PYY: variants seen among roughly 807,000 people sequenced by gnomAD.
PYY encodes the protein peptide tyrosine tyrosine.
A neutral mutation model predicts 10.3 loss-of-function variants in PYY; 12 were observed. The ratio of observed to expected loss-of-function variants is 1.17; its 90% CI spans 0.75 to 1.89. The LOEUF is 1.89. Among genes scored for constraint, PYY ranks in the 40% most tolerant of loss-of-function variants. The probability of loss-of-function intolerance (pLI) is 0.00; values close to 1 mark genes in which losing one functional copy is unlikely to be tolerated. For synonymous variants in PYY, 66 were observed against 62.0 expected (o/e 1.06, Z -0.30); for missense variants, 141 against 134.0 (o/e 1.05, Z -0.26).
At chr17:43,970,757 T>C (rs901451606) in intron 1 of PYY, among the ~76,000 whole-genome samples, 9 of 152,292 alleles carry the variant, frequency 5.9e-5, no homozygotes, top group Admixed American at 2.0e-4. Flanking sequence ...GCCCTAATGT[T>C]TGCACCCACT....
intron 1 of PYY, among the ~76,000 whole-genome samples, chr17:43,994,170 A>T (rs191399298): frequency 9.5e-4 from 145 of 152,292 alleles, no homozygotes; most frequent in African/African-American, 2.3e-3. Context: ...AAAAATTTTA[A>T]AAAAATTATA....
intron 1 of PYY, among the ~76,000 whole-genome samples, chr17:43,976,228 T>TACGTACATATAC (rs1567932156): frequency 6.9e-6 from 1 of 143,932 alleles, no homozygotes; most frequent in African/African-American, 2.7e-5. Flanking sequence ...TATACATATA[T>TACGTACATATAC]ACATATGCGT....
chr17:43,976,319 A>ATATG (rs1555618288), intron 1 of PYY, among the ~76,000 whole-genome samples: 5 of 56,282 alleles, frequency 8.9e-5, no homozygotes, highest in East Asian at 5.8e-4. Flanking sequence ...GTATATACAC[A>ATATG]TATACATGTA....
chr17:43,976,758 C>T lies in PYY; in HGVS notation c.-462-10226G>A, dbSNP rs557376384. On this transcript the variant is annotated intron_variant, in intron 1 of 6. Coordinates refer to the PYY transcript ENST00000360085. ...CTGCACTCCAGCCTCAGTGACACAG[C>T]GAGACTCTGTCTCAAACCAAAAACA... Among the ~76,000 whole-genome samples, 8 of 152,216 alleles carry T rather than the reference C, an allele frequency of 5.3e-5. No homozygotes were observed. The South Asian group carries it at 1.7e-3, about 32-fold the overall frequency.
chr17:43,960,849 C>A (rs987365493), intron 2 of PYY, among the ~76,000 whole-genome samples: 166 of 127,176 alleles, frequency 1.3e-3, no homozygotes, highest in South Asian at 1.5e-3. Flanking sequence ...GACTCCGTCG[C>A]AAAAAAAAAA....
At chr17:43,986,854 T>C (rs1284849028) in intron 1 of PYY, among the ~76,000 whole-genome samples, 1 of 152,214 alleles carries the variant, frequency 6.6e-6, no homozygotes, top group East Asian at 1.9e-4. Context: ...ACTCTAACTA[T>C]CATCCCAGTT....
chr17:43,973,151 A>T (rs555926349), intron 1 of PYY, among the ~76,000 whole-genome samples: 6 of 148,368 alleles, frequency 4.0e-5, no homozygotes, highest in Admixed American at 6.7e-5. Context: ...AAAGTCATTT[A>T]AAAAAAAAAA....
chr17:43,982,038 T>C (rs1302714599), intron 1 of PYY, among the ~76,000 whole-genome samples: 1 of 152,194 alleles, frequency 6.6e-6, no homozygotes, highest in Non-Finnish European at 1.5e-5. Context: ...AGCCAGAATA[T>C]ATGCATCCTC....
At chr17:44,001,336 G>T (rs1451364661) in intron 1 of PYY, among the ~76,000 whole-genome samples, 1 of 152,146 alleles carries the variant, frequency 6.6e-6, no homozygotes, top group African/African-American at 2.4e-5. Context: ...GTGAGAAGCT[G>T]GGCCCCTGAA....
intron 1 of PYY, among the ~76,000 whole-genome samples, chr17:43,999,733 A>T (rs889743545): frequency 1.1e-4 from 16 of 151,098 alleles, no homozygotes; most frequent in African/African-American, 3.9e-4. Flanking sequence ...ACGCCATTGC[A>T]CTCCAGCTTG....
chr17:43,990,792 TTG>T (rs1042620128), intron 1 of PYY, among the ~76,000 whole-genome samples: 6 of 150,408 alleles, frequency 4.0e-5, no homozygotes, highest in African/African-American at 1.2e-4. Flanking sequence ...GGATTTAATG[TTG>T]TTTTTTTTTT....
chr17:43,953,019 C>T, intron 3 of PYY, 39 bp from the exon 4 acceptor site: 1 of 1,584,574 alleles, frequency 6.3e-7, no homozygotes, highest in Non-Finnish European at 8.6e-7. Context: ...TCTGGGGAGG[C>T]GAGCCTGGGA....
intron 1 of PYY, among the ~76,000 whole-genome samples, chr17:43,980,950 GT>G (rs1198378614): frequency 6.6e-6 from 1 of 151,546 alleles, no homozygotes; most frequent in Non-Finnish European, 1.5e-5. Context: ...ATAGTTTCAG[GT>G]TTGGAACTAT....
intron 2 of PYY, among the ~76,000 whole-genome samples, chr17:43,960,176 G>A (rs138075601): frequency 6.6e-6 from 1 of 152,128 alleles, no homozygotes; most frequent in African/African-American, 2.4e-5. Context: ...CAGGGGATAG[G>A]GTGCCTCTGA....
At chr17:43,971,064 C>T (rs1881504252) in intron 1 of PYY, among the ~76,000 whole-genome samples, 2 of 152,110 alleles carry the variant, frequency 1.3e-5, no homozygotes, top group South Asian at 4.1e-4. Context: ...AGGATAAATA[C>T]CCTGAAGAGA....
chr17:44,000,050 G>A (rs562830690), intron 1 of PYY, among the ~76,000 whole-genome samples: 1 of 152,052 alleles, frequency 6.6e-6, no homozygotes, highest in Admixed American at 6.6e-5. Context: ...GCCTCACTCT[G>A]TTGCCCACGT....
intron 1 of PYY, among the ~76,000 whole-genome samples, chr17:43,986,799 G>A (rs535751281): frequency 2.0e-5 from 3 of 152,188 alleles, no homozygotes; most frequent in Non-Finnish European, 2.9e-5. Context: ...CTGCTGACAC[G>A]TGGATTCTCA....
chr17:43,992,323 G>A (rs775121157), intron 1 of PYY, among the ~76,000 whole-genome samples: 32 of 152,220 alleles, frequency 2.1e-4, no homozygotes, highest in Non-Finnish European at 3.8e-4. Flanking sequence ...GATCATGCCT[G>A]TAATCTCAGA....
At chr17:43,974,884 A>G (rs2048818612) in intron 1 of PYY, among the ~76,000 whole-genome samples, 1 of 152,168 alleles carries the variant, frequency 6.6e-6, no homozygotes, top group South Asian at 2.1e-4. Flanking sequence ...TTATTTCGAT[A>G]ATTAGAAATA....
Sources: allele counts gnomAD v4.1 joint callset (sites outside exome capture counted in the v4.1 genomes callset), GRCh38; gene constraint gnomAD v4.1.1; transcripts MANE v1.5; gene names NCBI Gene and HGNC (gene_info 2026-07-23, HGNC 2026-07-21).